SEMA3A: variants seen among roughly 807,000 people sequenced by gnomAD.
SEMA3A encodes semaphorin-3A.
Under a neutral mutation model 97.9 loss-of-function variants are expected in SEMA3A, and 29 were observed. The observed-to-expected ratio is 0.30, with a 90% confidence interval of 0.22 to 0.40. The LOEUF is 0.40. Among genes scored for constraint, SEMA3A ranks in the 10% least tolerant of loss-of-function variants. The pLI is 1.00. For missense variants in SEMA3A, 763 were observed against 951.3 expected (o/e 0.80, Z 2.60); for synonymous variants, 321 against 323.7 (o/e 0.99, Z 0.09).
intron 1 of SEMA3A, among the ~76,000 whole-genome samples, chr7:84,136,570 C>T (rs932425089): frequency 1.2e-4 from 19 of 152,118 alleles, no homozygotes; most frequent in Admixed American, 6.5e-5. Flanking sequence ...AGTTCAAATG[C>T]AACTGCCAAG....
intron 1 of SEMA3A, among the ~76,000 whole-genome samples, chr7:84,427,419 C>G (rs536160000): frequency 4.6e-5 from 7 of 151,816 alleles, no homozygotes; most frequent in Non-Finnish European, 1.0e-4. Context: ...GAGGCTGAGG[C>G]GGGTAGATCA....
chr7:83,973,771 G>A (rs976346360), intron 15 of SEMA3A, among the ~76,000 whole-genome samples: 9 of 152,048 alleles, frequency 5.9e-5, no homozygotes, highest in Non-Finnish European at 1.3e-4. Flanking sequence ...GGAAGGTAAT[G>A]CATGCATGCA....
intron 3 of SEMA3A, among the ~76,000 whole-genome samples, chr7:84,275,953 T>C (rs1271735338): frequency 6.6e-6 from 1 of 152,104 alleles, no homozygotes; most frequent in Non-Finnish European, 1.5e-5. Context: ...ACATGGCTCA[T>C]ATTACATTTT....
chr7:84,399,095 A>C (rs1251461572), intron 1 of SEMA3A, among the ~76,000 whole-genome samples: 2 of 152,168 alleles, frequency 1.3e-5, no homozygotes, highest in Non-Finnish European at 2.9e-5. Flanking sequence ...CAAGGAGCAC[A>C]GTCTGAAAAG....
intron 15 of SEMA3A, among the ~76,000 whole-genome samples, chr7:83,967,240 A>G (rs1458122941): frequency 6.6e-6 from 1 of 152,186 alleles, no homozygotes; most frequent in Non-Finnish European, 1.5e-5. Flanking sequence ...ATTAGAAGGC[A>G]TTCAATAAAT....
At chr7:84,424,714 T>C (rs1325243892) in intron 1 of SEMA3A, among the ~76,000 whole-genome samples, 2 of 99,044 alleles carry the variant, frequency 2.0e-5, no homozygotes, top group Non-Finnish European at 3.5e-5. Context: ...ATATATAATA[T>C]ATAAATTATT....
chr7:84,282,648 T>C (rs1205831992), intron 3 of SEMA3A, among the ~76,000 whole-genome samples: 1 of 152,146 alleles, frequency 6.6e-6, no homozygotes, highest in Non-Finnish European at 1.5e-5. Flanking sequence ...TAGTATCTAT[T>C]AATAGCTGTG....
intron 2 of SEMA3A, among the ~76,000 whole-genome samples, chr7:84,360,728 A>C (rs1427838485): frequency 6.6e-6 from 1 of 152,098 alleles, no homozygotes; most frequent in Non-Finnish European, 1.5e-5. Flanking sequence ...AAAGGGGAAT[A>C]GAGTAAACCA....
Position 84,294,519 on chromosome 7 carries a change from G to T in SEMA3A, c.-83+12688C>A, listed in dbSNP as rs147101373. 3.1e-3 allele frequency among the ~76,000 whole-genome samples: 469 copies of T among 151,914 alleles called. 1 individual carries two copies. Among genetic ancestry groups the T allele is most frequent in the Non-Finnish European group, 4.5e-3 (303 of 67,896 alleles). ...ATTAAATTCCTATATTCTTCTCATG[G>T]GAGTTACATGAAGGCTAAATGAAGA... On this transcript the variant is annotated intron_variant, in intron 3 of 3. Coordinates refer to the SEMA3A transcript ENST00000424555.
chr7:84,357,605 T>G (rs995053561), intron 2 of SEMA3A, among the ~76,000 whole-genome samples: 3 of 152,148 alleles, frequency 2.0e-5, no homozygotes, highest in African/African-American at 7.2e-5. Context: ...TATGTGTGCA[T>G]GTGTCTTTAT....
intron 2 of SEMA3A, among the ~76,000 whole-genome samples, chr7:84,370,800 T>A (rs924158876): frequency 4.6e-5 from 7 of 151,592 alleles, no homozygotes; most frequent in African/African-American, 1.7e-4. Context: ...AGACATACAA[T>A]GGTAATTACA....
intron 1 of SEMA3A, among the ~76,000 whole-genome samples, chr7:84,391,019 T>TTTA: frequency 6.6e-6 from 1 of 152,180 alleles, no homozygotes; most frequent in Non-Finnish European, 1.5e-5. Flanking sequence ...CAATCCAGGG[T>TTTA]TACTAAGGGT....
intron 4 of SEMA3A, among the ~76,000 whole-genome samples, chr7:84,091,024 G>A (rs998561682): frequency 6.7e-6 from 1 of 149,666 alleles, no homozygotes; most frequent in Non-Finnish European, 1.5e-5. Context: ...CTGAGATCAC[G>A]AGATCATGCC....
intron 3 of SEMA3A, among the ~76,000 whole-genome samples, chr7:84,221,704 T>C (rs537046986): frequency 6.6e-6 from 1 of 152,110 alleles, no homozygotes; most frequent in South Asian, 2.1e-4. Context: ...ACACATAGCA[T>C]TTATTGATTA....
chr7:84,420,147 C>T (rs1804548266), intron 1 of SEMA3A, among the ~76,000 whole-genome samples: 1 of 150,996 alleles, frequency 6.6e-6, no homozygotes, highest in Non-Finnish European at 1.5e-5. Context: ...AAAACAGTCA[C>T]ATGACATACA....
chr7:84,490,015 C>T (rs1275543939), intron 1 of SEMA3A, among the ~76,000 whole-genome samples: 1 of 151,556 alleles, frequency 6.6e-6, no homozygotes, highest in Non-Finnish European at 1.5e-5. Flanking sequence ...TATTTGAAAA[C>T]ATGTATAGAT....
In SEMA3A at chr7:84,424,347, T is replaced by A. The variant is rs954066211; in HGVS notation, c.-245-52447A>T. ...ATATAATATGATATACAATAAATAT[T>A]ATATATAATATATAAAATAATAATA... On this transcript the variant is annotated intron_variant, in intron 1 of 3. Coordinates refer to the SEMA3A transcript ENST00000424555. Among the ~76,000 whole-genome samples, 21 of 139,868 alleles carry A rather than the reference T, an allele frequency of 1.5e-4. No individual in the cohort carries two copies. The East Asian group carries it at 3.8e-3, about 26-fold the overall frequency. The allele number at this position is 139,868 out of a possible 152,430, so 91.8% of individuals were successfully genotyped here. A position where few individuals can be genotyped will look rare whatever the true frequency, so the allele number is the denominator to read the frequency against.
At chr7:83,984,608 C>CTTTTTTTTTT (rs371082897) in intron 13 of SEMA3A, among the ~76,000 whole-genome samples, 6 of 98,874 alleles carry the variant, frequency 6.1e-5, no homozygotes, top group Non-Finnish European at 7.8e-5. Flanking sequence ...GATTTTTCTG[C>CTTTTTTTTTT]TTTTTTTTTT....
At chr7:84,013,202 A>C (rs949995146) in intron 7 of SEMA3A, among the ~76,000 whole-genome samples, 1 of 152,154 alleles carries the variant, frequency 6.6e-6, no homozygotes, top group African/African-American at 2.4e-5. Context: ...ATATGTACTA[A>C]GAGTTAACTT....
Sources: allele counts gnomAD v4.1 joint callset (sites outside exome capture counted in the v4.1 genomes callset), GRCh38; gene constraint gnomAD v4.1.1; transcripts MANE v1.5; gene names NCBI Gene and HGNC (gene_info 2026-07-23, HGNC 2026-07-21).